The following KRT8 variants were observed in gnomAD, a reference collection of about 807,000 sequenced individuals.
KRT8 encodes the protein keratin, type II cytoskeletal 8.
In KRT8, 24 loss-of-function variants were observed where a neutral mutation model predicts 43.0. That is an observed-to-expected ratio of 0.56 (90% CI 0.40 to 0.78). KRT8 has a LOEUF of 0.78. KRT8 is among the 30% of genes least tolerant of loss of function. The pLI is 0.00. For missense variants in KRT8, 492 were observed against 638.4 expected (o/e 0.77, Z 2.47); for synonymous variants, 214 against 261.2 (o/e 0.82, Z 1.74).
At chr12:52,924,369 A>C (rs1027325291) in intron 2 of KRT8, among the ~76,000 whole-genome samples, 3 of 151,814 alleles carry the variant, frequency 2.0e-5, no homozygotes, top group Non-Finnish European at 4.4e-5. Flanking sequence ...GAATGGCATG[A>C]ACCCGGGAGG....
chr12:52,920,962 C>T (rs1941872828), intron 2 of KRT8, among the ~76,000 whole-genome samples: 4 of 152,196 alleles, frequency 2.6e-5, no homozygotes, highest in Non-Finnish European at 5.9e-5. Context: ...AGACCTGCTA[C>T]CCACCACTCT....
intron 2 of KRT8, among the ~76,000 whole-genome samples, chr12:52,937,312 A>T (rs538895551): frequency 2.0e-5 from 3 of 152,072 alleles, no homozygotes; most frequent in African/African-American, 7.2e-5. Flanking sequence ...CAGAGGTTGC[A>T]GTGAGCTGAG....
chr12:52,905,631 C>T (rs916115627), upstream of KRT8, among the ~76,000 whole-genome samples: 1 of 152,152 alleles, frequency 6.6e-6, no homozygotes, highest in South Asian at 2.1e-4. Context: ...TGTTCTACCC[C>T]TAGCACCTGG....
intron 3 of KRT8, 114 bp downstream of exon 3, chr12:52,901,043 AAT>A (rs1941357154): frequency 1.2e-6 from 1 of 817,558 alleles, no homozygotes; most frequent in Non-Finnish European, 2.2e-6. Context: ...TGTTTACATA[AAT>A]GAGTTTGTCC....
intron 2 of KRT8, chr12:52,949,444 C>T (rs1197512982): frequency 1.9e-6 from 3 of 1,613,110 alleles, no homozygotes; most frequent in African/African-American, 1.3e-5. Flanking sequence ...GAACGACCGC[C>T]TGGCCTCTTA....
At chr12:52,899,623 G>T in intron 5 of KRT8, 152 bp downstream of exon 5, 1 of 683,076 alleles carries the variant, frequency 1.5e-6, no homozygotes, top group Non-Finnish European at 2.5e-6. Context: ...CTCAGAAGCA[G>T]ACTGAGAAGC....
rs376970519 is a variant in KRT8, at chr12:52,932,234, G to A, written c.-47+17222C>T. Among the ~76,000 whole-genome samples the A allele has an allele frequency of 8.1e-4, 123 of 151,692 alleles. 1 individual carries two copies. Among genetic ancestry groups the A allele is most frequent in the Admixed American group, 2.0e-3 (30 of 15,174 alleles). On this transcript the variant is annotated intron_variant, in intron 2 of 6. Transcript: ENST00000546826. Reference sequence around the variant, plus strand: ...CTCCTGTGTAGCTGGGATTACAAGCGCCTGCAACCACACCTGGCTAATTTT... The same window carrying A: ...CTCCTGTGTAGCTGGGATTACAAGCACCTGCAACCACACCTGGCTAATTTT...
chr12:52,926,456 A>G lies in KRT8; in HGVS notation c.-46-21429T>C, dbSNP rs1592179937. On this transcript the variant is annotated intron_variant, in intron 2 of 6. Transcript: ENST00000546826. ...TCCAGCTCACCCCATTCATTCCGCA[A>G]ACATTTGCTGAATGAAAATCATGCA... The G allele has an allele frequency of 3.3e-6, 5 of 1,535,582 alleles. No homozygotes were observed. The East Asian group carries it at 1.2e-4, about 38-fold the overall frequency.
At chr12:52,899,881 A>C in exon 5 of KRT8, 1 of 1,612,644 alleles carries the variant, frequency 6.2e-7, no homozygotes, top group Non-Finnish European at 8.5e-7. Flanking sequence ...CTTCCCAGCC[A>C]GGCTCTGCAG....
chr12:52,906,539 T>G, upstream of KRT8: 1 of 371,366 alleles, frequency 2.7e-6, no homozygotes, highest in South Asian at 2.0e-5. Context: ...GGTTGGAGAT[T>G]GGGGAGCTGA....
chr12:52,903,824 G>A (rs574071138), intron 1 of KRT8, among the ~76,000 whole-genome samples: 5 of 151,708 alleles, frequency 3.3e-5, no homozygotes, highest in Non-Finnish European at 5.9e-5. Context: ...GGCTTTCCGA[G>A]GCCAGGCCCT....
At chr12:52,920,934 G>T (rs546518241) in intron 2 of KRT8, among the ~76,000 whole-genome samples, 3 of 152,198 alleles carry the variant, frequency 2.0e-5, no homozygotes, top group African/African-American at 7.2e-5. Context: ...TAGAGAGCAC[G>T]CAGCTCAGCT....
intron 1 of KRT8, among the ~76,000 whole-genome samples, chr12:52,902,413 C>T (rs1425820927): frequency 6.6e-6 from 1 of 152,012 alleles, no homozygotes; most frequent in Non-Finnish European, 1.5e-5. Context: ...TGGGAGTCTC[C>T]GGCGCCCAGG....
At chr12:52,899,971 T>C in exon 5 of KRT8, 1 of 1,613,448 alleles carries the variant, frequency 6.2e-7, no homozygotes, top group Non-Finnish European at 8.5e-7. Context: ...TGCCTTGACC[T>C]CAGCAATGAT....
intron 2 of KRT8, among the ~76,000 whole-genome samples, chr12:52,912,163 G>A (rs1467811174): frequency 1.3e-5 from 2 of 152,226 alleles, no homozygotes; most frequent in African/African-American, 4.8e-5. Context: ...GACTGAGGGC[G>A]GGCACATTTT....
exon 5 of KRT8, chr12:52,899,919 C>G: frequency 1.2e-6 from 2 of 1,613,268 alleles, no homozygotes; most frequent in Non-Finnish European, 1.7e-6. Context: ...GGTACATGCT[C>G]TCAGCCTCAG....
chr12:52,899,887 T>C, exon 5 of KRT8: 1 of 1,612,830 alleles, frequency 6.2e-7, no homozygotes. Flanking sequence ...AGCCAGGCTC[T>C]GCAGCTCCTC....
chr12:52,925,374 C>T (rs1454497117), intron 2 of KRT8, among the ~76,000 whole-genome samples: 1 of 152,168 alleles, frequency 6.6e-6, no homozygotes, highest in Non-Finnish European at 1.5e-5. Context: ...CTGGGAGAGA[C>T]TGTGGGCCCC....
At chr12:52,924,279 T>C (rs983597703) in intron 2 of KRT8, among the ~76,000 whole-genome samples, 1 of 151,920 alleles carries the variant, frequency 6.6e-6, no homozygotes, top group Non-Finnish European at 1.5e-5. Context: ...AAACCCTGTC[T>C]CTACTAAAAA....
Sources: gnomAD v4.1 joint callset for allele counts (sites outside exome capture counted in the v4.1 genomes callset) on GRCh38, gnomAD v4.1.1 for gene constraint, MANE v1.5 for transcripts, NCBI Gene and HGNC (gene_info 2026-07-23, HGNC 2026-07-21) for gene names.